The following SMIM5 variants were observed in gnomAD, a reference collection of about 807,000 sequenced individuals.
SMIM5 encodes the protein small integral membrane protein 5.
SMIM5 carries 4 observed loss-of-function variants against 4.0 expected under a neutral mutation model. That is an observed-to-expected ratio of 1.01 (90% CI 0.50 to 2.30). The LOEUF is 2.30. SMIM5 is among the 30% of genes most tolerant of loss of function. The pLI is 0.02. For missense variants in SMIM5, 107 were observed against 99.2 expected, an observed-to-expected ratio of 1.08 and a Z score of -0.34; for synonymous variants, 46 against 43.6, an observed-to-expected ratio of 1.05 and a Z score of -0.22.
At chr17:75,638,608 T>C (rs1327809646) in intron 1 of SMIM5, 1 of 152,216 alleles carries the variant, frequency 6.6e-6, no homozygotes, top group African/African-American at 2.4e-5. Flanking sequence ...CTAGTGACGG[T>C]GCACGGGGGT....
rs573377672 is a variant in SMIM5, at chr17:75,640,765, T to TCCCG, written c.128-25_128-22dup. 61 of 1,545,950 alleles carry TCCCG rather than the reference T, an allele frequency of 3.9e-5. 1 individual carries two copies. In the South Asian group the frequency reaches 6.4e-4, roughly 16 times the overall value. ...CATCCTTTCTCTCCCCCAACCTGAG[T>TCCCG]CCCGTGCTCTCTCCCGGCCCTCCAG... On this transcript the variant is annotated intron_variant, in intron 2 of 2. Transcript: ENST00000375215. This position sits in a 1 kb window ranked among gnomAD's most constrained non-coding sequence, Gnocchi z 4.6.
At chr17:75,634,903 T>G (rs2059289940) in intron 1 of SMIM5, among the ~76,000 whole-genome samples, 1 of 152,178 alleles carries the variant, frequency 6.6e-6, no homozygotes, top group African/African-American at 2.4e-5. Context: ...AACCGGGACC[T>G]CTGCTGTGCC....
At position 75,636,597 on chromosome 17, in the gene SMIM5, C is replaced by T. The variant is rs1333728277; in HGVS notation, c.-37+2395C>T. 1 of 152,230 alleles carries T rather than the reference C, an allele frequency of 6.6e-6. No individual in the cohort carries two copies. The highest frequency in any genetic ancestry group is 1.5e-5 in the Non-Finnish European group (1 of 68,066). The allele number at this position is 152,230 out of a possible 1,614,324, so 9.4% of individuals were successfully genotyped here. Reference sequence around the variant, plus strand: ...GTTATATTGGGCACCAAGTGTCAGGCACTCCTTGGCCTGGCTTTAAATAGC... The same window carrying T: ...GTTATATTGGGCACCAAGTGTCAGGTACTCCTTGGCCTGGCTTTAAATAGC... On this transcript the variant is annotated intron_variant, in intron 1 of 2. Coordinates refer to ENST00000375215, the MANE Select transcript of SMIM5 (RefSeq NM_001162995.3). This position sits in a 1 kb window ranked among gnomAD's most constrained non-coding sequence, Gnocchi z 5.4.
rs2059326153 is a variant in SMIM5 at position 75,636,570 on chromosome 17, T to C, written c.-37+2368T>C. On this transcript the variant is annotated intron_variant, in intron 1 of 2. Coordinates refer to ENST00000375215, the MANE Select transcript of SMIM5 (RefSeq NM_001162995.3). This position sits in a 1 kb window ranked among gnomAD's most constrained non-coding sequence, Gnocchi z 5.4. ...TGCCACACAGTCACCTGACGGCTGC[T>C]GGTTATATTGGGCACCAAGTGTCAG... The C allele has an allele frequency of 6.6e-6, 1 of 152,140 alleles. No individual in the cohort carries two copies. Among genetic ancestry groups the C allele is most frequent in the Admixed American group, 6.5e-5 (1 of 15,274 alleles). 9.4% of individuals were successfully genotyped at this position (152,140 alleles called of 1,614,324 possible). A position where few individuals can be genotyped will look rare whatever the true frequency, so the allele number is the denominator to read the frequency against.
rs891337265 is a variant in SMIM5 at position 75,634,136 on chromosome 17, C to T, written c.-103C>T. On this transcript the variant is annotated 5_prime_UTR_variant, in exon 1 of 3. The change creates a new upstream start codon in the 5' untranslated region. Coordinates refer to ENST00000375215, the MANE Select transcript of SMIM5 (RefSeq NM_001162995.3). ...AGCAGCGGCGCCCACGAAGGAAGTA[C>T]GAGGACAGCACGTGGAGGCTCCGCG... 16 of 985,378 alleles carry T rather than the reference C, an allele frequency of 1.6e-5. No individual in the cohort carries two copies. Among genetic ancestry groups the T allele is most frequent in the African/African-American group, 3.5e-5 (2 of 57,252 alleles). 61.0% of individuals were successfully genotyped at this position (985,378 alleles called of 1,614,324 possible).
rs77335949 is a variant in SMIM5 at position 75,635,268 on chromosome 17, C to A, written c.-37+1066C>A. On this transcript the variant is annotated intron_variant, in intron 1 of 2. Transcript: ENST00000375215. ...TGGGAGGCGCACAGTAGGGAAGAGT[C>A]AGGCCAGGTCGGGGTCGGGGCACAG... is the stretch of plus-strand genomic sequence containing the variant. Among the ~76,000 whole-genome samples, 178 of 152,290 alleles carry A rather than the reference C, an allele frequency of 1.2e-3. 6 individuals are homozygous for A. The East Asian group carries it at 0.029, about 25-fold the overall frequency.
At position 75,640,403 on chromosome 17, in the gene SMIM5, G is replaced by A; in HGVS notation, c.127+75G>A. The A allele has an allele frequency of 1.4e-6, 2 of 1,455,702 alleles. No individual in the cohort carries two copies. Among genetic ancestry groups the A allele is most frequent in the South Asian group, 2.9e-5 (2 of 69,296 alleles). The allele number at this position is 1,455,702 out of a possible 1,614,324, so 90.2% of individuals were successfully genotyped here. On this transcript the variant is annotated intron_variant, in intron 2 of 2. Coordinates refer to ENST00000375215, the MANE Select transcript of SMIM5 (RefSeq NM_001162995.3). The surrounding 1 kb of genome is among the most constrained non-coding windows in gnomAD (Gnocchi z 4.6). ...GACCACACCATGGTGCCAGCCAGAGGGCTGGCAGAGGTGGCGGGTGTCTGC... is the reference window on the plus strand; with the variant it reads ...GACCACACCATGGTGCCAGCCAGAGAGCTGGCAGAGGTGGCGGGTGTCTGC...
chr17:75,640,396 G>A lies in SMIM5; in HGVS notation c.127+68G>A, dbSNP rs1421483772. 1.4e-6 allele frequency: 2 copies of A among 1,462,210 alleles called. No homozygotes were observed. Among genetic ancestry groups the A allele is most frequent in the African/African-American group, 1.4e-5 (1 of 69,958 alleles). The allele number at this position is 1,462,210 out of a possible 1,614,324, so 90.6% of individuals were successfully genotyped here. A position where few individuals can be genotyped will look rare whatever the true frequency, so the allele number is the denominator to read the frequency against. On this transcript the variant is annotated intron_variant, in intron 2 of 2. Coordinates refer to ENST00000375215, the MANE Select transcript of SMIM5 (RefSeq NM_001162995.3). The surrounding 1 kb of genome is among the most constrained non-coding windows in gnomAD (Gnocchi z 4.6). ...TGGGAGAGACCACACCATGGTGCCA[G>A]CCAGAGGGCTGGCAGAGGTGGCGGG...
At position 75,640,884 on chromosome 17, in the gene SMIM5, C is replaced by T. The variant is rs1040226941; in HGVS notation, c.221C>T (p.Pro74Leu). Residue 74 changes from proline to leucine, a missense_variant, in exon 3 of 3, where the codon CCG becomes CTG. By Grantham distance (98) the Pro-to-Leu change is moderately conservative. Transcript: ENST00000375215. The surrounding 1 kb of genome is among the most constrained non-coding windows in gnomAD (Gnocchi z 4.6). ...AGAGGCAGGAAGGTCCAGGTGCAGC[C>T]GACACCACCATGACGGACGGGCGAT... Reference protein sequence around the residue: ...ERRGRKVQVQPTPP With the variant: ...ERRGRKVQVQLTPP The T allele has an allele frequency of 2.7e-5, 42 of 1,545,620 alleles. No homozygotes were observed. In the East Asian group the frequency reaches 5.1e-4, roughly 19 times the overall value.
chr17:75,634,268 G>C (rs2059276810), intron 1 of SMIM5, 66 bp downstream of exon 1: 1 of 985,072 alleles, frequency 1.0e-6, no homozygotes, highest in South Asian at 4.7e-5. Context: ...CCTGCCCCCA[G>C]GGTGAAGGGC....
intron 1 of SMIM5, among the ~76,000 whole-genome samples, chr17:75,634,942 A>G (rs535897997): frequency 4.6e-5 from 7 of 151,990 alleles, no homozygotes; most frequent in African/African-American, 7.2e-5. Flanking sequence ...ACATGACACC[A>G]CCCCTAAGGA....
chr17:75,635,728 G>A (rs550063179), intron 1 of SMIM5: 2 of 914,308 alleles, frequency 2.2e-6, no homozygotes, highest in African/African-American at 1.8e-5. Context: ...AACAGGGCAA[G>A]GGTGACTAAA....
chr17:75,634,238 G>C, intron 1 of SMIM5, 36 bp downstream of exon 1: 1 of 985,548 alleles, frequency 1.0e-6, no homozygotes, highest in Non-Finnish European at 1.2e-6. Context: ...GGGGGGACAG[G>C]GAGGGAGCAG....
Position 75,635,788 on chromosome 17 carries a change from C to T in SMIM5, c.-37+1586C>T, listed in dbSNP as rs993474124. Reference sequence around the variant, plus strand: ...CAGAGCAAGCAGCCCTCTGGGGCCCCGCGCTGCCAACACACCTCGCTTATC... The same window carrying T: ...CAGAGCAAGCAGCCCTCTGGGGCCCTGCGCTGCCAACACACCTCGCTTATC... On this transcript the variant is annotated intron_variant, in intron 1 of 2. Transcript: ENST00000375215. 36 of 985,328 alleles carry T rather than the reference C, an allele frequency of 3.7e-5. No homozygotes were observed. The African/African-American group carries it at 3.8e-4, about 11-fold the overall frequency. The allele number at this position is 985,328 out of a possible 1,614,324, so 61.0% of individuals were successfully genotyped here. A position where few individuals can be genotyped will look rare whatever the true frequency, so the allele number is the denominator to read the frequency against.
chr17:75,640,963 C>A lies in SMIM5; in HGVS notation c.*66C>A. The A allele has an allele frequency of 6.6e-7, 1 of 1,523,212 alleles. No individual in the cohort carries two copies. Among genetic ancestry groups the A allele is most frequent in the African/African-American group, 1.4e-5 (1 of 72,938 alleles). The allele number at this position is 1,523,212 out of a possible 1,614,324, so 94.4% of individuals were successfully genotyped here. A position where few individuals can be genotyped will look rare whatever the true frequency, so the allele number is the denominator to read the frequency against. On this transcript the variant is annotated 3_prime_UTR_variant, in exon 3 of 3. Coordinates refer to ENST00000375215, the MANE Select transcript of SMIM5 (RefSeq NM_001162995.3). The surrounding 1 kb of genome is among the most constrained non-coding windows in gnomAD (Gnocchi z 4.6). ...CCAATGCCATGACACAGGCCATCAG[C>A]CTGGCCCTGCAGCCCTTACCCCTCA...
chr17:75,634,137 G>GAGGACAGC lies in SMIM5; in HGVS notation c.-100_-93dup. 3.0e-6 allele frequency: 3 copies of GAGGACAGC among 985,528 alleles called. No homozygotes were observed. The highest frequency in any genetic ancestry group is 3.6e-6 in the Non-Finnish European group (3 of 829,994). The allele number at this position is 985,528 out of a possible 1,614,324, so 61.0% of individuals were successfully genotyped here. A position where few individuals can be genotyped will look rare whatever the true frequency, so the allele number is the denominator to read the frequency against. ...GCAGCGGCGCCCACGAAGGAAGTAC[G>GAGGACAGC]AGGACAGCACGTGGAGGCTCCGCGC... On this transcript the variant is annotated 5_prime_UTR_variant, in exon 1 of 3. Transcript: ENST00000375215.
Position 75,640,774 on chromosome 17 carries a change from C to G in SMIM5, c.128-17C>G. On this transcript the variant is annotated splice_polypyrimidine_tract_variant and intron_variant, in intron 2 of 2. Coordinates refer to ENST00000375215, the MANE Select transcript of SMIM5 (RefSeq NM_001162995.3). This position sits in a 1 kb window ranked among gnomAD's most constrained non-coding sequence, Gnocchi z 4.6. The stretch of plus-strand genomic sequence containing the variant: ...TCTCCCCCAACCTGAGTCCCGTGCT[C>G]TCTCCCGGCCCTCCAGCTACTGTTC... 1 of 1,547,926 alleles carries G rather than the reference C, an allele frequency of 6.5e-7. No homozygotes were observed. Among genetic ancestry groups the G allele is most frequent in the Non-Finnish European group, 8.7e-7 (1 of 1,145,180 alleles).
intron 1 of SMIM5, among the ~76,000 whole-genome samples, chr17:75,634,921 T>C (rs2059290437): frequency 6.6e-6 from 1 of 152,086 alleles, no homozygotes; most frequent in African/African-American, 2.4e-5. Flanking sequence ...GCCACCGTGA[T>C]GCACAGGCTG....
rs986163102 is a variant in SMIM5 at position 75,636,048 on chromosome 17, C to T, written c.-37+1846C>T. ...CCCTGAGTGTTTCCCCTGTGCTGAC[C>T]GCTACTGCAGCCAGGGCACACCCTC... On this transcript the variant is annotated intron_variant, in intron 1 of 2. Coordinates refer to ENST00000375215, the MANE Select transcript of SMIM5 (RefSeq NM_001162995.3). This position sits in a 1 kb window ranked among gnomAD's most constrained non-coding sequence, Gnocchi z 5.4. Among the ~76,000 whole-genome samples, 2 of 152,206 alleles carry T rather than the reference C, an allele frequency of 1.3e-5. No individual in the cohort carries two copies. The highest frequency in any genetic ancestry group is 4.8e-5 in the African/African-American group (2 of 41,438).
Sources: gnomAD v4.1 joint callset for allele counts (sites outside exome capture counted in the v4.1 genomes callset) on GRCh38, gnomAD v4.1.1 for gene constraint, Gnocchi (gnomAD v3.1) non-coding constraint, MANE v1.5 for transcripts, NCBI Gene and HGNC (gene_info 2026-07-23, HGNC 2026-07-21) for gene names.